The following CTNND2 variants were observed in gnomAD, a reference collection of about 807,000 sequenced individuals.
CTNND2 encodes the protein catenin delta 2, also known as catenin delta-2.
A neutral mutation model predicts 144.4 loss-of-function variants in CTNND2; 22 were observed. The observed-to-expected ratio is 0.15, with a 90% confidence interval of 0.11 to 0.22. The LOEUF is 0.22. CTNND2 is among the 10% of genes least tolerant of loss of function. The probability of loss-of-function intolerance (pLI) is 1.00; values close to 1 mark genes in which losing one functional copy is unlikely to be tolerated. For missense variants in CTNND2, 1,353 were observed against 1,618.8 expected, an observed-to-expected ratio of 0.84 and a Z score of 2.82; for synonymous variants, 751 against 695.6, an observed-to-expected ratio of 1.08 and a Z score of -1.25.
At chr5:11,276,538 G>C (rs1746546361) in intron 9 of CTNND2, among the ~76,000 whole-genome samples, 1 of 152,162 alleles carries the variant, frequency 6.6e-6, no homozygotes, top group South Asian at 2.1e-4. Context: ...CACTCCCATG[G>C]TATTCCCATC....
intron 15 of CTNND2, among the ~76,000 whole-genome samples, chr5:11,092,672 T>C (rs1019510329): frequency 6.6e-6 from 1 of 152,244 alleles, no homozygotes. Context: ...TGATCACCTC[T>C]GTGTTTATAC....
chr5:11,128,981 A>ATATATAT (rs1755099461), intron 12 of CTNND2, among the ~76,000 whole-genome samples: 7 of 32,092 alleles, frequency 2.2e-4, no homozygotes, highest in African/African-American at 7.1e-4. Flanking sequence ...TAATATATAA[A>ATATATAT]TATATATAAT....
chr5:11,081,610 T>C (rs1277163904), intron 16 of CTNND2, among the ~76,000 whole-genome samples: 1 of 152,186 alleles, frequency 6.6e-6, no homozygotes, highest in Non-Finnish European at 1.5e-5. Flanking sequence ...GACTTCTGGA[T>C]TAGGGACCCT....
chr5:11,879,340 T>TATATAC (rs1560959289), intron 1 of CTNND2, among the ~76,000 whole-genome samples: 1 of 14,962 alleles, frequency 6.7e-5, no homozygotes, highest in African/African-American at 2.1e-4. Context: ...ATTAAATGTG[T>TATATAC]GTATATATAT....
At chr5:11,860,287 A>T (rs1355940822) in intron 1 of CTNND2, among the ~76,000 whole-genome samples, 1 of 152,224 alleles carries the variant, frequency 6.6e-6, no homozygotes, top group Non-Finnish European at 1.5e-5. Flanking sequence ...CCACTGGACA[A>T]TTCTGTAATC....
intron 9 of CTNND2, among the ~76,000 whole-genome samples, chr5:11,307,304 AGTGTGTGTGTGT>A (rs3033112): frequency 0.018 from 2,675 of 146,522 alleles, 32 homozygotes; most frequent in East Asian, 0.061. Context: ...AAGGTAGAGT[AGTGTGTGTGTGT>A]GTGTGTGTGT....
intron 9 of CTNND2, among the ~76,000 whole-genome samples, chr5:11,291,081 G>A (rs1046036416): frequency 5.9e-5 from 9 of 151,960 alleles, no homozygotes; most frequent in Admixed American, 3.3e-4. Flanking sequence ...AAGGAATTGC[G>A]GGTCTCCTGG....
At chr5:11,179,896 G>A (rs1336631712) in intron 11 of CTNND2, among the ~76,000 whole-genome samples, 2 of 152,052 alleles carry the variant, frequency 1.3e-5, no homozygotes, top group African/African-American at 2.4e-5. Context: ...CCTAACATGG[G>A]GATAACAATG....
Position 11,173,980 on chromosome 5 carries a change from C to G in CTNND2, c.1976-14221G>C, listed in dbSNP as rs1760207170. On this transcript the variant is annotated intron_variant, in intron 11 of 21. Transcript: ENST00000304623. ...GCAAGGTAGGAGGCCACTTCAGAAC[C>G]CTAAGGGAGAAATGGCCAGCAGAGA... Among the ~76,000 whole-genome samples the G allele has an allele frequency of 2.6e-5, 4 of 152,068 alleles. No individual in the cohort carries two copies. In the South Asian group the frequency reaches 8.3e-4, roughly 32 times the overall value.
In CTNND2 at chr5:11,262,710, C is replaced by T. The variant is rs1253383400; in HGVS notation, c.1629-25887G>A. 8.7e-5 allele frequency among the ~76,000 whole-genome samples: 11 copies of T among 126,454 alleles called. No homozygotes were observed. The East Asian group carries it at 1.1e-3, about 12-fold the overall frequency. 83.0% of individuals were successfully genotyped at this position (126,454 alleles called of 152,430 possible). Reference sequence around the variant, plus strand: ...CCAGGAGGCAGAGGTTGCAGTGAGTCGAGACCGCACCACTGCACTCCAGCC... The same window carrying T: ...CCAGGAGGCAGAGGTTGCAGTGAGTTGAGACCGCACCACTGCACTCCAGCC... On this transcript the variant is annotated intron_variant, in intron 9 of 21. Transcript: ENST00000304623.
chr5:11,027,817 A>G (rs1315341833), intron 16 of CTNND2, among the ~76,000 whole-genome samples: 1 of 152,224 alleles, frequency 6.6e-6, no homozygotes, highest in African/African-American at 2.4e-5. Context: ...CATGTTGCCC[A>G]AGAAAGGCAC....
At chr5:11,711,459 T>C (rs1218616508) in intron 2 of CTNND2, among the ~76,000 whole-genome samples, 2 of 152,168 alleles carry the variant, frequency 1.3e-5, no homozygotes, top group Non-Finnish European at 2.9e-5. Flanking sequence ...CATATAGAAA[T>C]GTACATTCAG....
intron 1 of CTNND2, among the ~76,000 whole-genome samples, chr5:11,879,525 G>A (rs1735874980): frequency 1.3e-5 from 2 of 151,526 alleles, no homozygotes; most frequent in South Asian, 4.2e-4. Flanking sequence ...TGGCTCTGGA[G>A]CATGCTACCA....
In CTNND2 at chr5:11,623,804, GTA is replaced by G. The variant is rs1229697322; in HGVS notation, c.175-58750_175-58749del. 1.2e-3 allele frequency among the ~76,000 whole-genome samples: 38 copies of G among 30,632 alleles called. 1 individual carries two copies. The highest frequency in any genetic ancestry group is 4.9e-3 in the African/African-American group (35 of 7,094). 20.1% of individuals were successfully genotyped at this position (30,632 alleles called of 152,430 possible). ...AACTATCGTAAATATATATATGTGT[GTA>G]TGTATATATATATATATATATATAT... On this transcript the variant is annotated intron_variant, in intron 2 of 21. Coordinates refer to ENST00000304623, the MANE Select transcript of CTNND2 (RefSeq NM_001332.4).
At chr5:11,672,813 G>A (rs61646886) in intron 2 of CTNND2, among the ~76,000 whole-genome samples, 1,959 of 152,160 alleles carry the variant, frequency 0.013, 33 homozygotes, top group African/African-American at 0.043. Context: ...AGAGTGTTCC[G>A]TTCCTCCCAG....
chr5:11,669,838 T>G (rs951241473), intron 2 of CTNND2, among the ~76,000 whole-genome samples: 12 of 152,142 alleles, frequency 7.9e-5, no homozygotes, highest in Non-Finnish European at 1.8e-4. Context: ...GTAATTGTGA[T>G]GTTAGGGAGT....
intron 2 of CTNND2, among the ~76,000 whole-genome samples, chr5:11,685,707 G>A (rs1032106976): frequency 1.3e-5 from 2 of 152,140 alleles, no homozygotes; most frequent in Admixed American, 6.5e-5. Context: ...CTACTACTAC[G>A]AATTGCAATT....
intron 16 of CTNND2, among the ~76,000 whole-genome samples, chr5:11,048,005 G>A (rs551544106): frequency 1.3e-5 from 2 of 152,196 alleles, no homozygotes; most frequent in African/African-American, 4.8e-5. Context: ...TTCCTAAATC[G>A]CTCCTCCCAA....
intron 1 of CTNND2, among the ~76,000 whole-genome samples, chr5:11,746,430 T>C (rs1434991407): frequency 6.6e-6 from 1 of 152,144 alleles, no homozygotes; most frequent in African/African-American, 2.4e-5. Context: ...TGAACTTTCC[T>C]CAGATATTAC....
Sources: gnomAD v4.1 joint callset for allele counts (sites outside exome capture counted in the v4.1 genomes callset) on GRCh38, gnomAD v4.1.1 for gene constraint, MANE v1.5 for transcripts, NCBI Gene and HGNC (gene_info 2026-07-23, HGNC 2026-07-21) for gene names.